SAMD5: variants seen among roughly 807,000 people sequenced by gnomAD.
The protein encoded by SAMD5 is sterile alpha motif domain-containing protein 5.
In SAMD5, 13 loss-of-function variants were observed where a neutral mutation model predicts 11.3. The observed-to-expected ratio is 1.15, with a 90% CI of 0.75 to 1.83. The LOEUF is 1.83. SAMD5 is among the 40% of genes most tolerant of loss of function. SAMD5 has a pLI of 0.00. For synonymous variants in SAMD5, 129 were observed against 111.3 expected, an observed-to-expected ratio of 1.16 and a Z score of -1.00; for missense variants, 255 against 239.1, an observed-to-expected ratio of 1.07 and a Z score of -0.44.
the SAMD5 span, among the ~76,000 whole-genome samples, chr6:147,757,027 A>G: frequency 4.5e-4 from 68 of 152,198 alleles, no homozygotes; most frequent in Non-Finnish European, 6.9e-4. Context: ...TCCGACATAA[A>G]GCAATATTCA....
the SAMD5 span, among the ~76,000 whole-genome samples, chr6:147,849,808 AG>A: frequency 6.6e-6 from 1 of 152,230 alleles, no homozygotes; most frequent in Non-Finnish European, 1.5e-5. Flanking sequence ...GCTGGAGGCG[AG>A]GGATCAATCT....
At chr6:147,802,168 G>A in the SAMD5 span, among the ~76,000 whole-genome samples, 6 of 152,106 alleles carry the variant, frequency 3.9e-5, no homozygotes, top group African/African-American at 7.2e-5. Flanking sequence ...TTCAAGGGAC[G>A]TGTATCTAGA....
the SAMD5 span, among the ~76,000 whole-genome samples, chr6:147,880,370 CA>C: frequency 6.6e-6 from 1 of 152,146 alleles, no homozygotes; most frequent in East Asian, 1.9e-4. Flanking sequence ...CACACACACA[CA>C]CAGAGACACA....
intron 1 of SAMD5, among the ~76,000 whole-genome samples, chr6:147,642,086 A>G (rs1790320969): frequency 6.6e-6 from 1 of 152,226 alleles, no homozygotes; most frequent in Non-Finnish European, 1.5e-5. Context: ...GAAAGTGAAC[A>G]ACAGGGTTGT....
At chr6:147,613,391 C>T (rs1789815914) in intron 1 of SAMD5, among the ~76,000 whole-genome samples, 1 of 151,886 alleles carries the variant, frequency 6.6e-6, no homozygotes, top group African/African-American at 2.4e-5. Context: ...CATTGTCAAA[C>T]TTCTGGCCCC....
chr6:147,567,184 G>A lies in SAMD5; in HGVS notation c.*2728G>A. 1 of 985,354 alleles carries A rather than the reference G, an allele frequency of 1.0e-6. No homozygotes were observed. The highest frequency in any genetic ancestry group is 1.2e-6 in the Non-Finnish European group (1 of 829,870). 61.0% of individuals were successfully genotyped at this position (985,354 alleles called of 1,614,324 possible). ...ATAAAAGATTTCTTGGCATAGGGAA[G>A]GCGTAATGTTAAGGGCTTCTTCCTT... On this transcript the variant is annotated 3_prime_UTR_variant, in exon 2 of 2. Transcript: ENST00000367474.
intron 1 of SAMD5, among the ~76,000 whole-genome samples, chr6:147,678,050 A>G (rs776562756): frequency 2.6e-5 from 4 of 152,184 alleles, no homozygotes; most frequent in East Asian, 1.9e-4. Context: ...TGGGAGCAGG[A>G]TAATGTGTAA....
the SAMD5 span, among the ~76,000 whole-genome samples, chr6:147,920,227 A>G: frequency 3.3e-5 from 5 of 152,348 alleles, no homozygotes; most frequent in Non-Finnish European, 7.3e-5. Flanking sequence ...CAGCACTGCT[A>G]GAATAAAGCA....
chr6:147,681,284 A>G (rs941200373), intron 1 of SAMD5, among the ~76,000 whole-genome samples: 1 of 152,042 alleles, frequency 6.6e-6, no homozygotes, highest in African/African-American at 2.4e-5. Context: ...TACGTCTTCA[A>G]GTTTACTCTT....
the SAMD5 span, among the ~76,000 whole-genome samples, chr6:147,825,603 G>A: frequency 5.9e-5 from 9 of 152,016 alleles, no homozygotes; most frequent in South Asian, 2.1e-4. Context: ...TTACTGTTCC[G>A]TCACCATAAT....
chr6:147,640,497 C>CAAAAAAAAAAAAAAAAAAAA (rs1172694444), intron 1 of SAMD5, among the ~76,000 whole-genome samples: 6 of 24,188 alleles, frequency 2.5e-4, no homozygotes, highest in Non-Finnish European at 4.4e-4. Flanking sequence ...GACTCTGTCG[C>CAAAAAAAAAAAAAAAAAAAA]AAAAAAAAAA....
intron 1 of SAMD5, among the ~76,000 whole-genome samples, chr6:147,608,582 A>G (rs1789735436): frequency 1.3e-5 from 2 of 152,200 alleles, no homozygotes; most frequent in Admixed American, 1.3e-4. Flanking sequence ...TGTGGGATCT[A>G]AAAATCAAAA....
chr6:147,825,011 AG>A, the SAMD5 span, among the ~76,000 whole-genome samples: 89 of 152,174 alleles, frequency 5.8e-4, 1 homozygote, highest in African/African-American at 1.8e-3. Context: ...AAACCTACTC[AG>A]GGCTGGGGAC....
At chr6:147,553,631 C>G (rs1788807774) in intron 1 of SAMD5, among the ~76,000 whole-genome samples, 8 of 152,260 alleles carry the variant, frequency 5.3e-5, no homozygotes, top group Admixed American at 3.9e-4. Context: ...CTGCATAACA[C>G]CCAGCATGAA....
chr6:147,723,569 A>G (rs1447709916), intron 1 of SAMD5, among the ~76,000 whole-genome samples: 9 of 152,056 alleles, frequency 5.9e-5, no homozygotes, highest in East Asian at 3.9e-4. Flanking sequence ...CTGGCCCTCA[A>G]TCTTGTTCAT....
chr6:147,871,646 G>A, the SAMD5 span, among the ~76,000 whole-genome samples: 1 of 152,134 alleles, frequency 6.6e-6, no homozygotes, highest in Non-Finnish European at 1.5e-5. Flanking sequence ...TTGGGTACCG[G>A]CAACATCTTA....
chr6:147,583,881 A>G (rs944245339), intron 1 of SAMD5, among the ~76,000 whole-genome samples: 1 of 152,034 alleles, frequency 6.6e-6, no homozygotes, highest in African/African-American at 2.4e-5. Context: ...ATTAGTAAAA[A>G]CAACTAGTCA....
the SAMD5 span, among the ~76,000 whole-genome samples, chr6:147,802,819 C>T: frequency 6.6e-6 from 1 of 152,182 alleles, no homozygotes; most frequent in African/African-American, 2.4e-5. Flanking sequence ...TCCATTGATA[C>T]AAAGTTCTAC....
intron 1 of SAMD5, among the ~76,000 whole-genome samples, chr6:147,719,318 G>A (rs370020207): frequency 2.6e-5 from 4 of 152,124 alleles, no homozygotes; most frequent in African/African-American, 9.7e-5. Context: ...CTGGGTTTAG[G>A]GCTTTTCCCT....
Sources: gnomAD v4.1 joint callset for allele counts (sites outside exome capture counted in the v4.1 genomes callset) on GRCh38, gnomAD v4.1.1 for gene constraint, MANE v1.5 for transcripts, NCBI Gene and HGNC (gene_info 2026-07-23, HGNC 2026-07-21) for gene names.